Variants in CDH4 observed in about 807,000 individuals in gnomAD.
The protein encoded by CDH4 is cadherin-4.
CDH4 carries 33 observed loss-of-function variants against 86.0 expected under a neutral mutation model. The observed-to-expected ratio is 0.38, with a 90% CI of 0.29 to 0.51. The LOEUF (loss-of-function observed/expected upper bound fraction) is 0.51, where lower values mean the gene tolerates loss of function less well. Ranked by LOEUF, CDH4 falls within the 20% of genes least tolerant of loss-of-function variation. CDH4 has a pLI of 0.86. For synonymous variants in CDH4, 555 were observed against 549.4 expected, an observed-to-expected ratio of 1.01 and a Z score of -0.14; for missense variants, 1,114 against 1,307.4, an observed-to-expected ratio of 0.85 and a Z score of 2.28.
intron 2 of CDH4, among the ~76,000 whole-genome samples, chr20:61,601,000 A>G (rs1328368902): frequency 1.3e-5 from 2 of 152,126 alleles, no homozygotes; most frequent in African/African-American, 4.8e-5. Context: ...CCCTTCCCTG[A>G]AACAGCTTCC....
chr20:61,635,887 C>A (rs2086941526), intron 2 of CDH4, among the ~76,000 whole-genome samples: 1 of 152,194 alleles, frequency 6.6e-6, no homozygotes, highest in Non-Finnish European at 1.5e-5. Context: ...AGGACACAGG[C>A]CTCGAAGCTT....
At chr20:61,554,356 G>A (rs1476930222) in intron 2 of CDH4, among the ~76,000 whole-genome samples, 1 of 152,202 alleles carries the variant, frequency 6.6e-6, no homozygotes, top group African/African-American at 2.4e-5. Flanking sequence ...GGAGGCACAG[G>A]CTCTGGTGGG....
chr20:61,896,228 C>T (rs1373829507), intron 8 of CDH4, among the ~76,000 whole-genome samples: 1 of 152,148 alleles, frequency 6.6e-6, no homozygotes, highest in African/African-American at 2.4e-5. Context: ...AACCCAGTGA[C>T]AGATGAGGAC....
chr20:61,637,577 T>G (rs1481671452), intron 2 of CDH4, among the ~76,000 whole-genome samples: 2 of 152,246 alleles, frequency 1.3e-5, no homozygotes, highest in Admixed American at 6.5e-5. Flanking sequence ...AATTTCACCT[T>G]CCTTTTTTTC....
At chr20:61,572,824 TATGGATGGATGGATGGATGGATGG>T (rs56253553) in intron 2 of CDH4, among the ~76,000 whole-genome samples, 1 of 146,062 alleles carries the variant, frequency 6.8e-6, no homozygotes, top group East Asian at 2.0e-4. Context: ...TTCAGAACAC[TATGGATGGATGGATGGATGGATGG>T]ATGGATGGAT....
At chr20:61,489,801 G>A (rs751802332) in intron 2 of CDH4, among the ~76,000 whole-genome samples, 11 of 152,190 alleles carry the variant, frequency 7.2e-5, no homozygotes, top group Non-Finnish European at 1.2e-4. Flanking sequence ...AACTCAGTTT[G>A]AGAGCCTCAG....
At chr20:61,652,797 GAA>G (rs10668889) in intron 2 of CDH4, among the ~76,000 whole-genome samples, 1 of 128,146 alleles carries the variant, frequency 7.8e-6, no homozygotes, top group Admixed American at 7.7e-5. Flanking sequence ...TTTTTCAAAT[GAA>G]AAAAAAAAAA....
chr20:61,397,425 C>T (rs1053050982), intron 2 of CDH4, among the ~76,000 whole-genome samples: 4 of 144,770 alleles, frequency 2.8e-5, no homozygotes, highest in African/African-American at 9.8e-5. Flanking sequence ...CTTCCTTGCG[C>T]ATATCACATG....
intron 2 of CDH4, among the ~76,000 whole-genome samples, chr20:61,564,559 C>A (rs890894591): frequency 6.6e-6 from 1 of 152,172 alleles, no homozygotes; most frequent in African/African-American, 2.4e-5. Context: ...TCCGCTTCAC[C>A]CTCCACCATG....
intron 2 of CDH4, among the ~76,000 whole-genome samples, chr20:61,338,766 A>T (rs961184623): frequency 6.6e-6 from 1 of 152,178 alleles, no homozygotes; most frequent in African/African-American, 2.4e-5. Context: ...GTTTATTTTT[A>T]AAAATGTTGA....
At chr20:61,532,320 T>C (rs975365927) in intron 2 of CDH4, among the ~76,000 whole-genome samples, 8 of 152,168 alleles carry the variant, frequency 5.3e-5, no homozygotes, top group African/African-American at 1.9e-4. Flanking sequence ...TGTTCTTCTA[T>C]GGTCTTCACA....
chr20:61,624,161 C>A (rs1325432518), intron 2 of CDH4, among the ~76,000 whole-genome samples: 1 of 152,194 alleles, frequency 6.6e-6, no homozygotes. Flanking sequence ...ATGACCCAAG[C>A]ATCCGGTCAG....
At chr20:61,380,875 G>A (rs2145446609) in intron 2 of CDH4, among the ~76,000 whole-genome samples, 1 of 152,302 alleles carries the variant, frequency 6.6e-6, no homozygotes, top group East Asian at 1.9e-4. Flanking sequence ...TCCTGCCTCT[G>A]CTCAAGATGT....
At chr20:61,311,158 G>A (rs1277278931) in intron 2 of CDH4, among the ~76,000 whole-genome samples, 1 of 152,074 alleles carries the variant, frequency 6.6e-6, no homozygotes, top group Admixed American at 6.5e-5. Flanking sequence ...TGAATTCCAA[G>A]TGGATCAAAC....
chr20:61,256,250 C>A (rs1372778978), intron 2 of CDH4, among the ~76,000 whole-genome samples: 1 of 152,212 alleles, frequency 6.6e-6, no homozygotes, highest in African/African-American at 2.4e-5. Flanking sequence ...GGGGCACTGA[C>A]TGCAGTCTGC....
chr20:61,288,209 A>T (rs1036422703), intron 2 of CDH4, among the ~76,000 whole-genome samples: 1 of 150,344 alleles, frequency 6.7e-6, no homozygotes, highest in Non-Finnish European at 1.5e-5. Context: ...CAGAAAAAAA[A>T]ATCCCTTTTC....
At chr20:61,830,080 C>A (rs1459771914) in intron 4 of CDH4, among the ~76,000 whole-genome samples, 4 of 149,380 alleles carry the variant, frequency 2.7e-5, no homozygotes, top group Non-Finnish European at 6.0e-5. Flanking sequence ...GACTGCCCCC[C>A]AACCCCACTC....
chr20:61,439,491 G>A (rs931693057), intron 2 of CDH4, among the ~76,000 whole-genome samples: 2 of 152,242 alleles, frequency 1.3e-5, no homozygotes, highest in Non-Finnish European at 2.9e-5. Flanking sequence ...GCTAGTAGTG[G>A]ACGCTGGTCA....
intron 2 of CDH4, among the ~76,000 whole-genome samples, chr20:61,699,511 G>A (rs1434175439): frequency 2.1e-5 from 3 of 141,678 alleles, no homozygotes; most frequent in Non-Finnish European, 3.3e-5. Flanking sequence ...TGTGGCAGCA[G>A]CACTTTCTGG....
Sources: allele counts gnomAD v4.1 joint callset (sites outside exome capture counted in the v4.1 genomes callset), GRCh38; gene constraint gnomAD v4.1.1; transcripts MANE v1.5; gene names NCBI Gene and HGNC (gene_info 2026-07-23, HGNC 2026-07-21).